The following SLC12A7 variants were observed in gnomAD, a reference collection of about 807,000 sequenced individuals.
SLC12A7 encodes solute carrier family 12 member 7.
In SLC12A7, 100 loss-of-function variants were observed where a neutral mutation model predicts 120.6. The ratio of observed to expected loss-of-function variants is 0.83; its 90% CI spans 0.71 to 0.98. SLC12A7 has a LOEUF of 0.98. Ranked by LOEUF, SLC12A7 falls within the 50% of genes least tolerant of loss-of-function variation. The pLI is 0.00. For synonymous variants in SLC12A7, 760 were observed against 678.0 expected, an observed-to-expected ratio of 1.12 and a Z score of -1.88; for missense variants, 1,373 against 1,548.1, an observed-to-expected ratio of 0.89 and a Z score of 1.90.
the SLC12A7 span, among the ~76,000 whole-genome samples, chr5:1,139,518 C>T: frequency 6.6e-6 from 1 of 152,276 alleles, no homozygotes; most frequent in Non-Finnish European, 1.5e-5. Flanking sequence ...GGTGTCCACA[C>T]AGCAGCAATG....
the SLC12A7 span, among the ~76,000 whole-genome samples, chr5:1,122,736 G>A: frequency 6.6e-6 from 1 of 152,222 alleles, no homozygotes; most frequent in Non-Finnish European, 1.5e-5. Context: ...TGGTGCTGTA[G>A]CCCGTGCCAG....
chr5:1,134,708 T>C, the SLC12A7 span, among the ~76,000 whole-genome samples: 1 of 152,024 alleles, frequency 6.6e-6, no homozygotes, highest in South Asian at 2.1e-4. Flanking sequence ...CGAACAGATA[T>C]TTGCACACCC....
chr5:1,058,311 A>G (rs1168267745), intron 21 of SLC12A7, among the ~76,000 whole-genome samples: 1 of 152,090 alleles, frequency 6.6e-6, no homozygotes, highest in Non-Finnish European at 1.5e-5. Flanking sequence ...GTGGTTAAAC[A>G]CCCTCCACTG....
At chr5:1,081,271 G>A (rs1190049763) in intron 9 of SLC12A7, among the ~76,000 whole-genome samples, 1 of 150,886 alleles carries the variant, frequency 6.6e-6, no homozygotes, top group Non-Finnish European at 1.5e-5. Flanking sequence ...ACCAGCCTGA[G>A]CAACGTGGGG....
At chr5:1,098,927 T>C (rs1741689815) in intron 1 of SLC12A7, among the ~76,000 whole-genome samples, 1 of 151,992 alleles carries the variant, frequency 6.6e-6, no homozygotes, top group Admixed American at 6.5e-5. Flanking sequence ...ATAGAGCCAC[T>C]CGCCTGGGAT....
chr5:1,079,034 C>CAGGGGACCATGCTG (rs1311275261), intron 10 of SLC12A7, among the ~76,000 whole-genome samples: 8 of 152,142 alleles, frequency 5.3e-5, no homozygotes, highest in African/African-American at 7.2e-5. Flanking sequence ...CAGGGATTGG[C>CAGGGGACCATGCTG]AGGGGACCAT....
chr5:1,084,337 T>C (rs2150857821), intron 7 of SLC12A7, among the ~76,000 whole-genome samples: 1 of 152,244 alleles, frequency 6.6e-6, no homozygotes, highest in Middle Eastern at 3.4e-3. Flanking sequence ...TGCCGAGTAG[T>C]GAGGTGGAAC....
chr5:1,094,973 G>A (rs1286415790), intron 1 of SLC12A7, among the ~76,000 whole-genome samples: 4 of 149,470 alleles, frequency 2.7e-5, no homozygotes, highest in East Asian at 2.0e-4. Context: ...GTTGAGGCCC[G>A]ATGGCCCATG....
At chr5:1,124,390 G>A in the SLC12A7 span, among the ~76,000 whole-genome samples, 4 of 152,354 alleles carry the variant, frequency 2.6e-5, no homozygotes, top group South Asian at 6.2e-4. Context: ...AAAACACAGA[G>A]GACAGAAGAC....
Position 1,089,135 on chromosome 5 carries a change from C to CA in SLC12A7, c.343-8dup. The CA allele has an allele frequency of 6.2e-7, 1 of 1,612,114 alleles. No individual in the cohort carries two copies. Among genetic ancestry groups the CA allele is most frequent in the South Asian group, 1.1e-5 (1 of 91,070 alleles). On this transcript the variant is annotated splice_region_variant and splice_polypyrimidine_tract_variant and intron_variant, in intron 3 of 23. Transcript: ENST00000264930. ...AGGTGCCCATGCGCGGAGCCTGCGA[C>CA]AGAGCATAGCGTGTCCCAGGGGCTC...
At chr5:1,052,767 G>T (rs1182672577) in intron 23 of SLC12A7, among the ~76,000 whole-genome samples, 1 of 152,196 alleles carries the variant, frequency 6.6e-6, no homozygotes, top group African/African-American at 2.4e-5. Context: ...GTCCTCACCA[G>T]CCTACAGGGG....
At chr5:1,063,375 C>T (rs1736518760) in intron 20 of SLC12A7, among the ~76,000 whole-genome samples, 1 of 152,210 alleles carries the variant, frequency 6.6e-6, no homozygotes, top group Admixed American at 6.5e-5. Flanking sequence ...CATGGCAACA[C>T]CACTGAGGTG....
intron 17 of SLC12A7, among the ~76,000 whole-genome samples, chr5:1,072,178 GC>G (rs201996924): frequency 0.019 from 2 of 108 alleles, no homozygotes. Flanking sequence ...CACTTATGCA[GC>G]CCCCAGTGAG....
chr5:1,110,883 G>A (rs547022267), intron 1 of SLC12A7, among the ~76,000 whole-genome samples: 110 of 152,318 alleles, frequency 7.2e-4, no homozygotes, highest in Non-Finnish European at 1.3e-3. Context: ...GTCCCCACCC[G>A]TGTCTCCGGG....
chr5:1,102,546 G>A (rs926405481), intron 1 of SLC12A7, among the ~76,000 whole-genome samples: 1 of 152,212 alleles, frequency 6.6e-6, no homozygotes, highest in Admixed American at 6.5e-5. Flanking sequence ...GCTGAAGCCA[G>A]GTCCGACAGC....
the SLC12A7 span, among the ~76,000 whole-genome samples, chr5:1,123,568 G>C: frequency 6.6e-6 from 1 of 152,240 alleles, no homozygotes; most frequent in African/African-American, 2.4e-5. Flanking sequence ...CCCACTGAGG[G>C]GTAGCAGCTC....
chr5:1,120,629 C>T, the SLC12A7 span, among the ~76,000 whole-genome samples: 1 of 152,232 alleles, frequency 6.6e-6, no homozygotes, highest in African/African-American at 2.4e-5. Flanking sequence ...GCAAAAGACA[C>T]ACAAAGGCCT....
rs761260349 is a variant in SLC12A7, at chr5:1,074,583, G to C, written c.2056C>G (p.His686Asp). 2.3e-5 allele frequency: 37 copies of C among 1,611,170 alleles called. No individual in the cohort carries two copies. The highest frequency in any genetic ancestry group is 3.0e-5 in the Non-Finnish European group (35 of 1,178,804). Reference sequence around the variant, plus strand: ...GGTGCTCACCTCCAGTTCTTGGTGTGGGGGGGACCGTGCTCCACGCGCAGC... The same window carrying C: ...GGTGCTCACCTCCAGTTCTTGGTGTCGGGGGGACCGTGCTCCACGCGCAGC... ...ALLRVEHGPP[H>D]TKNWRPQVLV... Residue 686 changes from histidine (H) to aspartate (D), a missense_variant, in exon 16 of 24, where the codon CAC becomes GAC. Coordinates refer to ENST00000264930, the MANE Select transcript of SLC12A7 (RefSeq NM_006598.3).
rs180836557 is a variant in SLC12A7, at chr5:1,080,398, C to T, written c.1298-902G>A. The stretch of plus-strand genomic sequence containing the variant: ...AGCGGAGGTACAGGGAGAGGACCCC[C>T]GGCAGATCACCCCCTCCATAGCAAG... On this transcript the variant is annotated intron_variant, in intron 9 of 23. Coordinates refer to ENST00000264930, the MANE Select transcript of SLC12A7 (RefSeq NM_006598.3). Among the ~76,000 whole-genome samples, 1,325 of 152,212 alleles carry T rather than the reference C, an allele frequency of 8.7e-3. 23 individuals carry two copies. Among genetic ancestry groups the T allele is most frequent in the African/African-American group, 0.03 (1,237 of 41,466 alleles).
Sources: allele counts gnomAD v4.1 joint callset (sites outside exome capture counted in the v4.1 genomes callset), GRCh38; gene constraint gnomAD v4.1.1; transcripts MANE v1.5; gene names NCBI Gene and HGNC (gene_info 2026-07-23, HGNC 2026-07-21).